The following ERBIN variants were observed in gnomAD, a reference collection of about 807,000 sequenced individuals.
ERBIN encodes the protein densin-180-like protein.
Under a neutral mutation model 158.4 loss-of-function variants are expected in ERBIN, and 60 were observed. The observed-to-expected ratio is 0.38, with a 90% CI of 0.31 to 0.47. The LOEUF is 0.47. Ranked by LOEUF, ERBIN falls within the 20% of genes least tolerant of loss-of-function variation. ERBIN has a pLI of 0.99. For synonymous variants in ERBIN, 594 were observed against 557.2 expected, an observed-to-expected ratio of 1.07 and a Z score of -0.93; for missense variants, 1,610 against 1,648.0, an observed-to-expected ratio of 0.98 and a Z score of 0.40.
rs1385544423 is a variant in ERBIN at position 66,081,676 on chromosome 5, T to C, written c.*3146T>C. On this transcript the variant is annotated 3_prime_UTR_variant, in exon 26 of 26. Coordinates refer to ENST00000284037, the MANE Select transcript of ERBIN (RefSeq NM_001253697.2). ...AGAAGTGTAGTTTATCTCAAATTAT[T>C]ATTATTTACTTCTAAAGGGAGGCAT... 6.6e-6 allele frequency: 1 copy of C among 152,076 alleles called. No individual in the cohort carries two copies. Among genetic ancestry groups the C allele is most frequent in the African/African-American group, 2.4e-5 (1 of 41,426 alleles). 9.4% of individuals were successfully genotyped at this position (152,076 alleles called of 1,614,324 possible).
intron 1 of ERBIN, among the ~76,000 whole-genome samples, chr5:65,972,979 GT>G (rs751904091): frequency 7.3e-5 from 11 of 150,926 alleles, no homozygotes; most frequent in Non-Finnish European, 1.5e-4. Flanking sequence ...TTTTATTTCT[GT>G]TCCTTCTGTT....
intron 4 of ERBIN, among the ~76,000 whole-genome samples, chr5:66,008,850 C>T (rs1753891610): frequency 6.6e-6 from 1 of 152,146 alleles, no homozygotes; most frequent in Non-Finnish European, 1.5e-5. Flanking sequence ...GAATTATGTA[C>T]CACAACCAAA....
At chr5:66,024,183 G>T in intron 9 of ERBIN, 123 bp from the exon 10 acceptor site, 1 of 629,574 alleles carries the variant, frequency 1.6e-6, no homozygotes, top group Non-Finnish European at 2.6e-6. Context: ...AACTACCTGG[G>T]AGTCTTCTTT....
chr5:65,934,162 C>T (rs1353628679), intron 1 of ERBIN, among the ~76,000 whole-genome samples: 8 of 152,224 alleles, frequency 5.3e-5, no homozygotes, highest in African/African-American at 1.9e-4. Flanking sequence ...TCCCAAAGTG[C>T]TGGGACTACA....
chr5:65,969,564 C>T (rs935243008), intron 1 of ERBIN, among the ~76,000 whole-genome samples: 2 of 152,122 alleles, frequency 1.3e-5, no homozygotes, highest in Admixed American at 1.3e-4. Flanking sequence ...GTATTATTTC[C>T]AAAGCCAGCT....
intron 25 of ERBIN, among the ~76,000 whole-genome samples, chr5:66,077,897 C>G (rs558838505): frequency 4.9e-4 from 75 of 152,200 alleles, no homozygotes; most frequent in African/African-American, 1.7e-3. Context: ...CTTTGCCTCT[C>G]CATGCCTGGG....
At chr5:66,037,689 C>T (rs764296796) in intron 14 of ERBIN, among the ~76,000 whole-genome samples, 5 of 151,906 alleles carry the variant, frequency 3.3e-5, no homozygotes, top group East Asian at 1.9e-4. Context: ...GTTCTCTGTC[C>T]GTCTGGAGTC....
intron 5 of ERBIN, 60 bp downstream of exon 5, chr5:66,012,187 G>T: frequency 8.9e-7 from 1 of 1,120,176 alleles, no homozygotes; most frequent in East Asian, 2.4e-5. Context: ...GAAACTAGTA[G>T]ATATTATTGT....
chr5:66,012,730 A>C (rs1425408182), intron 5 of ERBIN, among the ~76,000 whole-genome samples: 1 of 152,184 alleles, frequency 6.6e-6, no homozygotes, highest in Non-Finnish European at 1.5e-5. Context: ...CCAACATGTA[A>C]AGATTATGTA....
At position 66,072,273 on chromosome 5, in the gene ERBIN, T is replaced by A; in HGVS notation, c.3738T>A (p.Pro1246=). The part of the protein sequence containing the change: ...SSATLSHKDV[P]PDSLMKMPLS... The stretch of plus-strand genomic sequence containing the variant: ...CCACACTTAGTCACAAAGATGTTCC[T>A]CCAGACAGCTTGATGAAAGTGGGTG... Residue 1246 remains proline (P), a synonymous_variant, in exon 22 of 26, where the codon CCT becomes CCA. Transcript: ENST00000284037. The A allele has an allele frequency of 6.5e-7, 1 of 1,550,264 alleles. No individual in the cohort carries two copies. Among genetic ancestry groups the A allele is most frequent in the Non-Finnish European group, 8.7e-7 (1 of 1,146,852 alleles).
intron 1 of ERBIN, among the ~76,000 whole-genome samples, chr5:65,950,044 C>T (rs193295838): frequency 1.6e-4 from 24 of 152,232 alleles, no homozygotes; most frequent in African/African-American, 5.1e-4. Flanking sequence ...TTCGCTCTGT[C>T]GCCCAGGCTG....
intron 1 of ERBIN, among the ~76,000 whole-genome samples, chr5:65,944,086 T>C (rs920461206): frequency 6.6e-6 from 1 of 152,214 alleles, no homozygotes; most frequent in African/African-American, 2.4e-5. Context: ...TTAGCCATTG[T>C]GGATAATGCT....
chr5:65,944,435 T>C (rs946626248), intron 1 of ERBIN, among the ~76,000 whole-genome samples: 1 of 152,110 alleles, frequency 6.6e-6, no homozygotes, highest in Non-Finnish European at 1.5e-5. Context: ...CAGAGTTTGC[T>C]CTGTCACCCA....
chr5:65,967,208 C>T (rs886546240), intron 1 of ERBIN, among the ~76,000 whole-genome samples: 45 of 151,842 alleles, frequency 3.0e-4, no homozygotes, highest in African/African-American at 9.2e-4. Flanking sequence ...AAGTTTATAA[C>T]GTTATAATAA....
chr5:65,942,003 G>A (rs1745112891), intron 1 of ERBIN, among the ~76,000 whole-genome samples: 2 of 152,192 alleles, frequency 1.3e-5, no homozygotes, highest in African/African-American at 4.8e-5. Context: ...GCCTTCCAAA[G>A]TGCTGGGATT....
intron 1 of ERBIN, among the ~76,000 whole-genome samples, chr5:65,982,271 A>G (rs1268981255): frequency 1.3e-5 from 2 of 152,170 alleles, no homozygotes; most frequent in East Asian, 1.9e-4. Flanking sequence ...ATTTAGGACT[A>G]CTGGTAACCT....
At chr5:65,973,601 G>A (rs766633359) in intron 1 of ERBIN, among the ~76,000 whole-genome samples, 22 of 150,978 alleles carry the variant, frequency 1.5e-4, no homozygotes, top group Non-Finnish European at 2.6e-4. Flanking sequence ...AGTTTCTAGG[G>A]CAGTAGACAC....
chr5:66,036,237 C>T (rs1393739158), intron 14 of ERBIN, among the ~76,000 whole-genome samples: 1 of 152,116 alleles, frequency 6.6e-6, no homozygotes, highest in Non-Finnish European at 1.5e-5. Flanking sequence ...AGTTCCAATC[C>T]CTTATTACCC....
intron 22 of ERBIN, among the ~76,000 whole-genome samples, chr5:66,074,104 G>T (rs914158637): frequency 7.8e-6 from 1 of 128,478 alleles, no homozygotes; most frequent in Non-Finnish European, 1.6e-5. Context: ...TGCCCAGGCT[G>T]ATCTTGAACT....
Sources: gnomAD v4.1 joint callset for allele counts (sites outside exome capture counted in the v4.1 genomes callset) on GRCh38, gnomAD v4.1.1 for gene constraint, MANE v1.5 for transcripts, NCBI Gene and HGNC (gene_info 2026-07-23, HGNC 2026-07-21) for gene names.